The following STK3 variants were observed in gnomAD, a reference collection of about 807,000 sequenced individuals.
STK3 encodes serine/threonine kinase 3, also known as serine/threonine-protein kinase 3.
Under a neutral mutation model 58.0 loss-of-function variants are expected in STK3, and 41 were observed. That is an observed-to-expected ratio of 0.71 (90% CI 0.55 to 0.92). The LOEUF (loss-of-function observed/expected upper bound fraction) is 0.92, where lower values mean the gene tolerates loss of function less well. Ranked by LOEUF, STK3 falls within the 40% of genes least tolerant of loss-of-function variation. STK3 has a pLI of 0.00. For synonymous variants in STK3, 170 were observed against 191.0 expected (o/e 0.89, Z 0.91); for missense variants, 479 against 602.7 (o/e 0.79, Z 2.15).
intron 1 of STK3, among the ~76,000 whole-genome samples, chr8:98,817,857 A>G (rs1453407207): frequency 6.6e-6 from 1 of 152,204 alleles, no homozygotes; most frequent in Admixed American, 6.5e-5. Flanking sequence ...CTCTACCCAA[A>G]GCAGCCAAAA....
chr8:98,778,847 A>C (rs960895944), intron 1 of STK3: 3 of 152,120 alleles, frequency 2.0e-5, no homozygotes, highest in Non-Finnish European at 4.4e-5. Flanking sequence ...ACATGGACAC[A>C]GGAAGGGGAA....
chr8:98,807,108 C>T (rs185633975), intron 1 of STK3, among the ~76,000 whole-genome samples: 2 of 141,008 alleles, frequency 1.4e-5, no homozygotes, highest in East Asian at 2.3e-4. Flanking sequence ...GAGCCAAGAT[C>T]GTGCCACTGC....
Position 98,912,727 on chromosome 8 carries a change from G to T in STK3, c.-78-28893C>A, listed in dbSNP as rs546415051. On this transcript the variant is annotated intron_variant, in intron 1 of 1. Coordinates refer to the STK3 transcript ENST00000519420. ...AGAGAGACCAGGGATGTTACTTTAA[G>T]AAAAGAAGTCTTCCATTCAGAACTA... Among the ~76,000 whole-genome samples, 5 of 152,278 alleles carry T rather than the reference G, an allele frequency of 3.3e-5. No homozygotes were observed. In the South Asian group the frequency reaches 1.0e-3, roughly 32 times the overall value.
intron 3 of STK3, among the ~76,000 whole-genome samples, chr8:98,404,276 C>T (rs1817972663): frequency 1.3e-5 from 2 of 152,158 alleles, no homozygotes; most frequent in South Asian, 4.1e-4. Flanking sequence ...GTGGTTCATG[C>T]CTGTAATCTC....
chr8:98,700,226 G>C (rs1271606780), intron 6 of STK3, among the ~76,000 whole-genome samples: 1 of 152,214 alleles, frequency 6.6e-6, no homozygotes, highest in Non-Finnish European at 1.5e-5. Context: ...GAAAAGCGCA[G>C]TATTAGGGTG....
At chr8:98,575,573 G>C (rs1002037760) in intron 8 of STK3, among the ~76,000 whole-genome samples, 2 of 150,984 alleles carry the variant, frequency 1.3e-5, no homozygotes, top group Non-Finnish European at 2.9e-5. Context: ...CTGGTCTCTG[G>C]TAACCAACAA....
At chr8:98,909,240 G>A (rs1331210559) in intron 1 of STK3, among the ~76,000 whole-genome samples, 1 of 152,114 alleles carries the variant, frequency 6.6e-6, no homozygotes, top group East Asian at 1.9e-4. Flanking sequence ...CAGGCTCCTG[G>A]CCGTGGAATT....
intron 10 of STK3, among the ~76,000 whole-genome samples, chr8:98,468,432 G>C (rs1361220259): frequency 6.6e-6 from 1 of 152,046 alleles, no homozygotes; most frequent in African/African-American, 2.4e-5. Context: ...AAGGACACAA[G>C]AAAAAAGGAT....
At chr8:98,531,568 A>G (rs1428069009) in intron 9 of STK3, among the ~76,000 whole-genome samples, 10 of 152,190 alleles carry the variant, frequency 6.6e-5, no homozygotes, top group Admixed American at 5.2e-4. Context: ...AAAACAGTAA[A>G]TGAACATTGG....
At chr8:98,419,189 C>T (rs371743297) in intron 3 of STK3, among the ~76,000 whole-genome samples, 4 of 152,036 alleles carry the variant, frequency 2.6e-5, no homozygotes, top group East Asian at 1.9e-4. Flanking sequence ...GGTGAAACCC[C>T]GTCTCTACGA....
chr8:98,739,478 C>A (rs1828980392), intron 4 of STK3, among the ~76,000 whole-genome samples: 1 of 150,328 alleles, frequency 6.7e-6, no homozygotes, highest in Admixed American at 6.7e-5. Context: ...GGTACCCAGG[C>A]AAACAGAGTC....
intron 4 of STK3, among the ~76,000 whole-genome samples, chr8:98,728,680 C>A (rs1382200026): frequency 6.6e-6 from 1 of 152,018 alleles, no homozygotes; most frequent in Admixed American, 6.5e-5. Context: ...GTTGTAAATC[C>A]AGTATGAACC....
At chr8:98,552,541 T>C (rs1343764534) in intron 8 of STK3, among the ~76,000 whole-genome samples, 1 of 152,148 alleles carries the variant, frequency 6.6e-6, no homozygotes, top group Admixed American at 6.6e-5. Context: ...AGCCTTTAAA[T>C]TGGCTGATCT....
chr8:98,908,982 C>A (rs1395062837), intron 1 of STK3, among the ~76,000 whole-genome samples: 1 of 151,932 alleles, frequency 6.6e-6, no homozygotes, highest in Non-Finnish European at 1.5e-5. Flanking sequence ...ATGGTGAAAC[C>A]CTGTCTCTAC....
the STK3 span, among the ~76,000 whole-genome samples, chr8:98,349,295 C>G: frequency 1.3e-5 from 2 of 152,188 alleles, no homozygotes; most frequent in African/African-American, 4.8e-5. Flanking sequence ...GGCAGTGAAA[C>G]TACTCTTTGA....
At chr8:98,812,658 T>A (rs1266778246) in intron 1 of STK3, among the ~76,000 whole-genome samples, 2 of 152,192 alleles carry the variant, frequency 1.3e-5, no homozygotes, top group East Asian at 3.9e-4. Context: ...AATGACAGAC[T>A]GGATTAAGAA....
chr8:98,926,900 C>G (rs922628980), intron 1 of STK3, among the ~76,000 whole-genome samples: 2 of 152,168 alleles, frequency 1.3e-5, no homozygotes, highest in African/African-American at 2.4e-5. Context: ...CTGAGAAGTT[C>G]CAGGCAGCAG....
chr8:98,874,565 A>C (rs565965762), intron 3 of STK3, among the ~76,000 whole-genome samples: 43 of 152,212 alleles, frequency 2.8e-4, no homozygotes, highest in Non-Finnish European at 4.9e-4. Context: ...CCCATGTTTT[A>C]TATATCTATA....
intron 2 of STK3, among the ~76,000 whole-genome samples, chr8:98,435,026 C>T (rs1001967162): frequency 6.6e-6 from 1 of 152,236 alleles, no homozygotes; most frequent in Non-Finnish European, 1.5e-5. Flanking sequence ...CTGCTCTCCA[C>T]CTGGACTGGC....
Sources: allele counts gnomAD v4.1 joint callset (sites outside exome capture counted in the v4.1 genomes callset), GRCh38; gene constraint gnomAD v4.1.1; transcripts MANE v1.5; gene names NCBI Gene and HGNC (gene_info 2026-07-23, HGNC 2026-07-21).